The following MPHOSPH6 variants were observed in gnomAD, a reference collection of about 807,000 sequenced individuals.
The protein encoded by MPHOSPH6 is M-phase phosphoprotein 6.
A neutral mutation model predicts 21.8 loss-of-function variants in MPHOSPH6; 25 were observed. That is an observed-to-expected ratio of 1.15 (90% CI 0.83 to 1.60). The LOEUF (loss-of-function observed/expected upper bound fraction) is 1.60, where lower values mean the gene tolerates loss of function less well. Among genes scored for constraint, MPHOSPH6 ranks in the 40% most tolerant of loss-of-function variants. MPHOSPH6 has a pLI of 0.00. For missense variants in MPHOSPH6, 269 were observed against 181.8 expected (o/e 1.48, Z -2.76); for synonymous variants, 84 against 56.5 (o/e 1.49, Z -2.18).
At chr16:82,168,813 A>G (rs1035961294) in intron 1 of MPHOSPH6, among the ~76,000 whole-genome samples, 1 of 152,132 alleles carries the variant, frequency 6.6e-6, no homozygotes, top group African/African-American at 2.4e-5. Context: ...CCTCTTTTGG[A>G]AATTCCACCT....
At chr16:82,153,328 A>G (rs574441405) in intron 2 of MPHOSPH6, among the ~76,000 whole-genome samples, 2 of 152,298 alleles carry the variant, frequency 1.3e-5, no homozygotes, top group South Asian at 4.1e-4. Flanking sequence ...AACAGGACAA[A>G]ATATAAAATG....
intron 1 of MPHOSPH6, among the ~76,000 whole-genome samples, chr16:82,165,110 A>ATTTTTTTT (rs1906723920): frequency 3.8e-5 from 3 of 79,922 alleles, no homozygotes; most frequent in African/African-American, 5.9e-5. Flanking sequence ...CAGGTCCGAT[A>ATTTTTTTT]TTTCTTTTTT....
chr16:82,168,275 T>C (rs60463482), intron 1 of MPHOSPH6, among the ~76,000 whole-genome samples: 3,563 of 152,246 alleles, frequency 0.023, 393 homozygotes, highest in Admixed American at 0.2. Context: ...TCCACTTCTC[T>C]GAAGTTAATG....
At chr16:82,156,569 A>G (rs910284681) in intron 2 of MPHOSPH6, among the ~76,000 whole-genome samples, 1 of 152,256 alleles carries the variant, frequency 6.6e-6, no homozygotes, top group Non-Finnish European at 1.5e-5. Flanking sequence ...AAAAACCATA[A>G]TAAGATGCCA....
At chr16:82,153,656 T>C (rs1019801819) in intron 2 of MPHOSPH6, among the ~76,000 whole-genome samples, 2 of 152,226 alleles carry the variant, frequency 1.3e-5, no homozygotes, top group Non-Finnish European at 2.9e-5. Flanking sequence ...CTGGGTTCCC[T>C]TGAATCTTTG....
chr16:82,163,328 A>G (rs955857059), intron 2 of MPHOSPH6, among the ~76,000 whole-genome samples: 3 of 152,232 alleles, frequency 2.0e-5, no homozygotes, highest in Non-Finnish European at 4.4e-5. Context: ...GAAAAATGAA[A>G]AATAGCTTCC....
chr16:82,149,465 A>C (rs1906193419), intron 3 of MPHOSPH6, 62 bp from the exon 4 acceptor site: 11 of 1,406,782 alleles, frequency 7.8e-6, no homozygotes, highest in Non-Finnish European at 1.1e-5. Context: ...AACTGATGTC[A>C]AACTTACCTG....
At chr16:82,149,716 G>A (rs1025349560) in intron 3 of MPHOSPH6, among the ~76,000 whole-genome samples, 1 of 152,110 alleles carries the variant, frequency 6.6e-6, no homozygotes, top group Non-Finnish European at 1.5e-5. Context: ...GGTGAGTGGG[G>A]GAAGAAATAA....
intron 1 of MPHOSPH6, among the ~76,000 whole-genome samples, chr16:82,165,965 A>G (rs1906765313): frequency 6.6e-6 from 1 of 152,240 alleles, no homozygotes; most frequent in South Asian, 2.1e-4. Flanking sequence ...GTGGGAAAGT[A>G]AATGGTACAG....
At position 82,148,855 on chromosome 16, in the gene MPHOSPH6, G is replaced by A; in HGVS notation, c.359C>T (p.Thr120Ile). 1 of 1,613,882 alleles carries A rather than the reference G, an allele frequency of 6.2e-7. No homozygotes were observed. Among genetic ancestry groups the A allele is most frequent in the Non-Finnish European group, 8.5e-7 (1 of 1,179,936 alleles). ...CTTTTTCCCAATTGTCCCCACCAAG[G>A]TCTCATATCTGTCAAGAGGACAGGC... ...SDEEMARRYETLVGTIGKKFA... is the reference protein window; with the variant it reads ...SDEEMARRYEILVGTIGKKFA... The change falls in exon 5 of 5, where the codon ACC (threonine) becomes ATC (isoleucine). Residue 120 changes from threonine to isoleucine, a missense_variant. Coordinates refer to ENST00000258169, the MANE Select transcript of MPHOSPH6 (RefSeq NM_005792.2).
chr16:82,170,200 T>G lies in MPHOSPH6; in HGVS notation c.-25A>C. The G allele has an allele frequency of 6.4e-7, 1 of 1,556,652 alleles. No individual in the cohort carries two copies. Among genetic ancestry groups the G allele is most frequent in the Non-Finnish European group, 8.7e-7 (1 of 1,155,264 alleles). On this transcript the variant is annotated 5_prime_UTR_variant, in exon 1 of 5. Coordinates refer to ENST00000258169, the MANE Select transcript of MPHOSPH6 (RefSeq NM_005792.2). The stretch of plus-strand genomic sequence containing the variant: ...TGGTAGCTTCCGCCCAGCGCCGCAC[T>G]CCGGCCGCGAGCCTCACCGCACATG...
intron 3 of MPHOSPH6, among the ~76,000 whole-genome samples, chr16:82,150,029 G>A (rs1158263091): frequency 1.4e-5 from 2 of 143,488 alleles, no homozygotes; most frequent in Admixed American, 1.5e-4. Flanking sequence ...TTTTTTAAAT[G>A]TGTAATCTCT....
At chr16:82,156,833 G>A (rs12447597) in intron 2 of MPHOSPH6, among the ~76,000 whole-genome samples, 17,782 of 152,116 alleles carry the variant, frequency 0.12, 1,277 homozygotes, top group East Asian at 0.28. Context: ...TTGGGTATCC[G>A]AGGCCAGCGA....
chr16:82,148,705 C>A lies in MPHOSPH6; in HGVS notation c.*26G>T, dbSNP rs376466130. ...CCCTGCTGACTTCCACCAAGCACCC[C>A]TGGGCCATCGCTTAAGGCATCCATC... On this transcript the variant is annotated 3_prime_UTR_variant, in exon 5 of 5. Coordinates refer to ENST00000258169, the MANE Select transcript of MPHOSPH6 (RefSeq NM_005792.2). The A allele has an allele frequency of 1.9e-6, 3 of 1,612,800 alleles. No individual in the cohort carries two copies. Among genetic ancestry groups the A allele is most frequent in the Non-Finnish European group, 2.5e-6 (3 of 1,179,438 alleles).
At chr16:82,170,027 C>G in intron 1 of MPHOSPH6, 98 bp downstream of exon 1, 1 of 1,365,306 alleles carries the variant, frequency 7.3e-7, no homozygotes, top group Non-Finnish European at 9.9e-7. Context: ...TCTGAGGCCT[C>G]TCTGGTGTCC....
intron 3 of MPHOSPH6, among the ~76,000 whole-genome samples, chr16:82,150,223 C>T (rs1906221081): frequency 6.6e-6 from 1 of 152,096 alleles, no homozygotes; most frequent in Admixed American, 6.6e-5. Flanking sequence ...TTTCTGCGGG[C>T]AGTGGCACCT....
chr16:82,170,184 C>G lies in MPHOSPH6; in HGVS notation c.-9G>C. On this transcript the variant is annotated 5_prime_UTR_variant, in exon 1 of 5. Transcript: ENST00000258169. ...TTTCGCTCGGCCGCCATGGTAGCTT[C>G]CGCCCAGCGCCGCACTCCGGCCGCG... is the stretch of plus-strand genomic sequence containing the variant. The G allele has an allele frequency of 1.3e-6, 2 of 1,577,084 alleles. No individual in the cohort carries two copies. Among genetic ancestry groups the G allele is most frequent in the African/African-American group, 1.4e-5 (1 of 72,970 alleles).
Position 82,148,509 on chromosome 16 carries a change from T to C in MPHOSPH6, c.*222A>G. The C allele has an allele frequency of 2.1e-6, 1 of 476,508 alleles. No homozygotes were observed. Among genetic ancestry groups the C allele is most frequent in the Non-Finnish European group, 3.5e-6 (1 of 286,148 alleles). The allele number at this position is 476,508 out of a possible 1,614,324, so 29.5% of individuals were successfully genotyped here. On this transcript the variant is annotated 3_prime_UTR_variant, in exon 5 of 5. Coordinates refer to ENST00000258169, the MANE Select transcript of MPHOSPH6 (RefSeq NM_005792.2). ...GCAGCCCTGTAACAATGTACATTTG[T>C]AGATCAGGGGCTAAAAATCCACTCT... is the stretch of plus-strand genomic sequence containing the variant.
intron 2 of MPHOSPH6, among the ~76,000 whole-genome samples, chr16:82,161,399 T>A (rs115354008): frequency 6.6e-6 from 1 of 152,124 alleles, no homozygotes. Context: ...AAAACACAAG[T>A]ATAAGATGTA....
Sources: gnomAD v4.1 joint callset for allele counts (sites outside exome capture counted in the v4.1 genomes callset) on GRCh38, gnomAD v4.1.1 for gene constraint, MANE v1.5 for transcripts, NCBI Gene and HGNC (gene_info 2026-07-23, HGNC 2026-07-21) for gene names.